SPDYA: variants seen among roughly 807,000 people sequenced by gnomAD.
The protein encoded by SPDYA is speedy/RINGO cell cycle regulator family member A, also known as speedy protein A.
In SPDYA, 11 loss-of-function variants were observed where a neutral mutation model predicts 36.7. The observed-to-expected ratio is 0.30, with a 90% confidence interval of 0.19 to 0.50. The LOEUF (loss-of-function observed/expected upper bound fraction) is 0.50. Among genes scored for constraint, SPDYA ranks in the 20% least tolerant of loss-of-function variants. The probability of loss-of-function intolerance (pLI) is 0.98; values close to 1 mark genes in which losing one functional copy is unlikely to be tolerated. For missense variants in SPDYA, 287 were observed against 370.9 expected, an observed-to-expected ratio of 0.77 and a Z score of 1.86; for synonymous variants, 115 against 118.7, an observed-to-expected ratio of 0.97 and a Z score of 0.20.
At chr2:28,846,885 C>A (rs924872548) in intron 7 of SPDYA, among the ~76,000 whole-genome samples, 1 of 152,106 alleles carries the variant, frequency 6.6e-6, no homozygotes, top group African/African-American at 2.4e-5. Context: ...GAAACAGGAG[C>A]CAAGGGCAGA....
chr2:28,835,786 C>A (rs552607703), intron 6 of SPDYA, among the ~76,000 whole-genome samples: 1 of 152,192 alleles, frequency 6.6e-6, no homozygotes, highest in African/African-American at 2.4e-5. Context: ...ATCCTGTAGG[C>A]GTATAGAAAA....
chr2:28,835,067 GT>G (rs1252763453), intron 6 of SPDYA, among the ~76,000 whole-genome samples: 1 of 151,942 alleles, frequency 6.6e-6, no homozygotes, highest in African/African-American at 2.4e-5. Flanking sequence ...GTTTTGTTTT[GT>G]TTTTGTTTTT....
chr2:28,841,321 AAT>A (rs1188189506), intron 7 of SPDYA, among the ~76,000 whole-genome samples: 5 of 152,222 alleles, frequency 3.3e-5, no homozygotes, highest in East Asian at 1.9e-4. Context: ...GGCTTTCAGC[AAT>A]AGAGTATTAA....
In SPDYA at chr2:28,822,426, A is replaced by T. The variant is rs1331940352; in HGVS notation, c.380+16A>T. 1 of 1,347,056 alleles carries T rather than the reference A, an allele frequency of 7.4e-7. No homozygotes were observed. Among genetic ancestry groups the T allele is most frequent in the Non-Finnish European group, 1.0e-6 (1 of 969,372 alleles). The allele number at this position is 1,347,056 out of a possible 1,614,324, so 83.4% of individuals were successfully genotyped here. ...TTATTGCTCTGTAAGTATACTTTCT[A>T]CTAAGTGATTGTTGTGTTATCTATT... On this transcript the variant is annotated intron_variant, in intron 5 of 7. Transcript: ENST00000334056.
chr2:28,831,658 T>A (rs1370113140), intron 6 of SPDYA, among the ~76,000 whole-genome samples: 2 of 152,236 alleles, frequency 1.3e-5, no homozygotes, highest in African/African-American at 4.8e-5. Context: ...GTAAATGTAA[T>A]GAAGTAAAAA....
rs528399978 is a variant in SPDYA, at chr2:28,850,463, C to A, written c.*522C>A. 1.6e-5 allele frequency: 19 copies of A among 1,179,502 alleles called. No individual in the cohort carries two copies. In the East Asian group the frequency reaches 4.3e-4, roughly 27 times the overall value. The allele number at this position is 1,179,502 out of a possible 1,614,324, so 73.1% of individuals were successfully genotyped here. ...CATAAAATATTTTCTATTTTTTTCA[C>A]AAAACTGTTAAAATATGAGTTACTC... On this transcript the variant is annotated 3_prime_UTR_variant, in exon 8 of 8. Transcript: ENST00000334056.
rs1255413971 is a variant in SPDYA at position 28,850,415 on chromosome 2, A to C, written c.*474A>C. On this transcript the variant is annotated 3_prime_UTR_variant, in exon 8 of 8. Coordinates refer to ENST00000334056, the MANE Select transcript of SPDYA (RefSeq NM_182756.4). Reference sequence around the variant, plus strand: ...TCAGAATGCGATTCTTCTGTTGTAAAAAAATATATGTACTATAAGCTACAT... The same window carrying C: ...TCAGAATGCGATTCTTCTGTTGTAACAAAATATATGTACTATAAGCTACAT... 1 of 1,565,848 alleles carries C rather than the reference A, an allele frequency of 6.4e-7. No individual in the cohort carries two copies. The highest frequency in any genetic ancestry group is 1.4e-5 in the African/African-American group (1 of 73,688).
chr2:28,827,040 G>A (rs1668345742), intron 5 of SPDYA, among the ~76,000 whole-genome samples: 1 of 144,518 alleles, frequency 6.9e-6, no homozygotes, highest in Admixed American at 7.3e-5. Context: ...CCGGGTTCAC[G>A]CCATTCTCCT....
chr2:28,838,434 G>A (rs1223951461), intron 6 of SPDYA, among the ~76,000 whole-genome samples: 1 of 152,030 alleles, frequency 6.6e-6, no homozygotes, highest in African/African-American at 2.4e-5. Flanking sequence ...GCACACCTCA[G>A]CCTCCCAAAG....
At chr2:28,815,872 A>G (rs1667970643) in intron 2 of SPDYA, 125 bp from the exon 3 acceptor site, 2 of 630,810 alleles carry the variant, frequency 3.2e-6, no homozygotes, top group Non-Finnish European at 5.2e-6. Flanking sequence ...TCACTGTCAC[A>G]AATAACATTT....
At chr2:28,819,844 AAAAAAATATATATATATATATAT>A (rs1427449607) in intron 4 of SPDYA, among the ~76,000 whole-genome samples, 28 of 36,044 alleles carry the variant, frequency 7.8e-4, no homozygotes, top group South Asian at 1.2e-3. Context: ...AAAAAAAAAA[AAAAAAATATATATATATATATAT>A]ATATATATAT....
At chr2:28,813,674 C>T (rs950651640) in intron 1 of SPDYA, among the ~76,000 whole-genome samples, 14 of 151,946 alleles carry the variant, frequency 9.2e-5, no homozygotes, top group Middle Eastern at 3.2e-3. Flanking sequence ...GTCTCAGCCT[C>T]CCCAGTAGCT....
At chr2:28,832,013 C>G (rs1558327813) in intron 6 of SPDYA, among the ~76,000 whole-genome samples, 1 of 152,144 alleles carries the variant, frequency 6.6e-6, no homozygotes, top group Non-Finnish European at 1.5e-5. Context: ...TAGAATTGCT[C>G]TAAGATATCC....
chr2:28,843,008 G>C (rs1572516490), intron 7 of SPDYA, among the ~76,000 whole-genome samples: 1 of 143,668 alleles, frequency 7.0e-6, no homozygotes, highest in Non-Finnish European at 1.5e-5. Flanking sequence ...AGACACAAAA[G>C]TTTATGCTCT....
At chr2:28,826,949 C>CTTTTT (rs1309143694) in intron 5 of SPDYA, among the ~76,000 whole-genome samples, 7 of 113,804 alleles carry the variant, frequency 6.2e-5, no homozygotes, top group African/African-American at 1.0e-4. Flanking sequence ...TCTTTTCTTT[C>CTTTTT]TTTTTTTTTT....
intron 5 of SPDYA, among the ~76,000 whole-genome samples, chr2:28,828,014 C>T (rs941470263): frequency 1.3e-5 from 2 of 151,326 alleles, no homozygotes; most frequent in South Asian, 4.2e-4. Context: ...GAGACAGAGT[C>T]TCCCCGTCAC....
At chr2:28,813,567 T>G (rs1169704283) in intron 1 of SPDYA, among the ~76,000 whole-genome samples, 1 of 151,946 alleles carries the variant, frequency 6.6e-6, no homozygotes, top group East Asian at 1.9e-4. Context: ...TTTTTTTTTT[T>G]TTGAGACGGA....
intron 6 of SPDYA, among the ~76,000 whole-genome samples, chr2:28,830,369 A>G (rs1223969350): frequency 1.3e-5 from 2 of 151,520 alleles, no homozygotes; most frequent in Non-Finnish European, 2.9e-5. Context: ...ATGCCTGGCT[A>G]ATGTTTTGTA....
intron 5 of SPDYA, among the ~76,000 whole-genome samples, chr2:28,824,801 G>A (rs921095957): frequency 2.0e-5 from 3 of 151,588 alleles, no homozygotes; most frequent in Non-Finnish European, 4.4e-5. Flanking sequence ...CACCTGCTTC[G>A]GCCTCCCAAA....
Sources: allele counts gnomAD v4.1 joint callset (sites outside exome capture counted in the v4.1 genomes callset), GRCh38; gene constraint gnomAD v4.1.1; transcripts MANE v1.5; gene names NCBI Gene and HGNC (gene_info 2026-07-23, HGNC 2026-07-21).